IL1RAPL2: variants seen among roughly 807,000 people sequenced by gnomAD.
IL1RAPL2 encodes the protein interleukin 1 receptor accessory protein like 2.
IL1RAPL2 carries 3 observed loss-of-function variants against 44.1 expected under a neutral mutation model. That is an observed-to-expected ratio of 0.07 (90% confidence interval 0.03 to 0.18). IL1RAPL2 has a LOEUF of 0.18. IL1RAPL2 is among the 10% of genes least tolerant of loss of function. The pLI is 1.00. For synonymous variants in IL1RAPL2, 181 were observed against 178.8 expected (o/e 1.01, Z -0.10); for missense variants, 391 against 496.4 (o/e 0.79, Z 2.02).
At chrX:104,750,827 T>C (rs1190534997) in intron 2 of IL1RAPL2, among the ~76,000 whole-genome samples, 2 of 111,084 alleles carry the variant, frequency 1.8e-5, no homozygotes, top group Middle Eastern at 4.6e-3. Flanking sequence ...TTCTTCTTTT[T>C]TGGAAACACA....
chrX:104,946,456 G>T (rs1463661143), intron 2 of IL1RAPL2, among the ~76,000 whole-genome samples: 1 of 88,573 alleles, frequency 1.1e-5, no homozygotes, highest in Non-Finnish European at 2.1e-5. Context: ...GGGTACATGT[G>T]CACAATGTGC....
chrX:105,006,299 A>C (rs1263791197), intron 2 of IL1RAPL2, among the ~76,000 whole-genome samples: 5 of 110,328 alleles, frequency 4.5e-5, no homozygotes, highest in Admixed American at 9.8e-5. Flanking sequence ...GTATGAAATA[A>C]GGCTTTTTAT....
intron 5 of IL1RAPL2, among the ~76,000 whole-genome samples, chrX:105,328,676 A>C (rs2034960961): frequency 8.9e-6 from 1 of 112,058 alleles, no homozygotes; most frequent in East Asian, 2.8e-4. Context: ...CATGTGCTGC[A>C]TAACAACATT....
intron 2 of IL1RAPL2, among the ~76,000 whole-genome samples, chrX:105,045,448 A>T (rs2031824725): frequency 8.9e-6 from 1 of 112,190 alleles, no homozygotes; most frequent in South Asian, 3.7e-4. Flanking sequence ...AGAGAGTTGG[A>T]TGTTGTTTAC....
At chrX:105,243,967 T>C (rs1172516814) in intron 4 of IL1RAPL2, among the ~76,000 whole-genome samples, 2 of 111,953 alleles carry the variant, frequency 1.8e-5, no homozygotes, top group Non-Finnish European at 3.8e-5. Flanking sequence ...ATTTGCCTTT[T>C]ATAAAGTCTT....
At chrX:105,086,484 A>G (rs1326032585) in intron 2 of IL1RAPL2, among the ~76,000 whole-genome samples, 1 of 111,302 alleles carries the variant, frequency 9.0e-6, no homozygotes, top group African/African-American at 3.3e-5. Flanking sequence ...GGAATGGGAA[A>G]TGGGGAGATG....
intron 5 of IL1RAPL2, among the ~76,000 whole-genome samples, chrX:105,462,858 C>T (rs2036102613): frequency 9.0e-6 from 1 of 110,799 alleles, no homozygotes; most frequent in Admixed American, 9.7e-5. Flanking sequence ...GCCCAACTCA[C>T]TTCACACTAC....
intron 1 of IL1RAPL2, chrX:104,648,100 C>T (rs1930081879): frequency 1.2e-5 from 5 of 420,877 alleles, no homozygotes; most frequent in Admixed American, 3.3e-5. Context: ...TTTCCATACA[C>T]ATACACACAC....
chrX:104,955,829 C>T (rs1602851432), intron 2 of IL1RAPL2, among the ~76,000 whole-genome samples: 1 of 110,861 alleles, frequency 9.0e-6, no homozygotes, highest in Non-Finnish European at 1.9e-5. Context: ...CCATGCCAAA[C>T]AGCGCATCAT....
chrX:105,314,067 T>C (rs1367037939), intron 5 of IL1RAPL2, among the ~76,000 whole-genome samples: 1 of 112,129 alleles, frequency 8.9e-6, no homozygotes, highest in Non-Finnish European at 1.9e-5. Context: ...AATTGCCCTG[T>C]TAATGAGTTT....
chrX:104,988,541 T>C (rs1288514541), intron 2 of IL1RAPL2, among the ~76,000 whole-genome samples: 1 of 112,157 alleles, frequency 8.9e-6, no homozygotes, highest in Non-Finnish European at 1.9e-5. Flanking sequence ...ATATAGACTT[T>C]GCCGTCTTTT....
intron 4 of IL1RAPL2, among the ~76,000 whole-genome samples, chrX:105,248,742 GT>G (rs1474326102): frequency 9.0e-6 from 1 of 111,343 alleles, no homozygotes; most frequent in Non-Finnish European, 1.9e-5. Context: ...ATATGAAAAG[GT>G]GCTCAATATC....
intron 2 of IL1RAPL2, among the ~76,000 whole-genome samples, chrX:104,912,262 C>A (rs756403319): frequency 1.9e-4 from 21 of 109,411 alleles, no homozygotes; most frequent in African/African-American, 6.7e-4. Flanking sequence ...CTAATGTAAA[C>A]TTCCTTAAGT....
chrX:105,088,330 G>A (rs2032502817), intron 2 of IL1RAPL2, among the ~76,000 whole-genome samples: 1 of 111,913 alleles, frequency 8.9e-6, no homozygotes, highest in African/African-American at 3.2e-5. Flanking sequence ...TAATAATGGA[G>A]TGGAATTAAA....
chrX:104,673,530 G>T (rs1176204976), intron 2 of IL1RAPL2, among the ~76,000 whole-genome samples: 1 of 111,150 alleles, frequency 9.0e-6, no homozygotes, highest in Non-Finnish European at 1.9e-5. Flanking sequence ...GTCAGGTAGT[G>T]TGATGCCTCC....
chrX:105,202,557 A>G (rs782061754), intron 3 of IL1RAPL2, among the ~76,000 whole-genome samples: 7 of 111,318 alleles, frequency 6.3e-5, no homozygotes, highest in Non-Finnish European at 1.3e-4. Flanking sequence ...TATTGCCACT[A>G]CCTCCTATTT....
At chrX:104,723,905 T>C (rs1931735766) in intron 2 of IL1RAPL2, among the ~76,000 whole-genome samples, 1 of 111,172 alleles carries the variant, frequency 9.0e-6, no homozygotes, top group African/African-American at 3.3e-5. Flanking sequence ...TAACCCTTTA[T>C]AAGACAAATT....
intron 6 of IL1RAPL2, among the ~76,000 whole-genome samples, chrX:105,561,260 A>G (rs1396744186): frequency 8.9e-6 from 1 of 111,921 alleles, no homozygotes; most frequent in Non-Finnish European, 1.9e-5. Flanking sequence ...AGATGTTGCC[A>G]AAAAATTAAT....
At chrX:105,648,647 T>C (rs553293598) in intron 6 of IL1RAPL2, among the ~76,000 whole-genome samples, 2 of 111,769 alleles carry the variant, frequency 1.8e-5, no homozygotes, top group African/African-American at 6.5e-5. Context: ...ACTATTGCAT[T>C]GTAGAGTTTG....
Sources: gnomAD v4.1 joint callset for allele counts (sites outside exome capture counted in the v4.1 genomes callset) on GRCh38, gnomAD v4.1.1 for gene constraint, MANE v1.5 for transcripts, NCBI Gene and HGNC (gene_info 2026-07-23, HGNC 2026-07-21) for gene names.